The following CLDN14 variants were observed in gnomAD, a reference collection of about 807,000 sequenced individuals.
CLDN14 encodes the protein claudin 14, also known as claudin-14.
A neutral mutation model predicts 2.1 loss-of-function variants in CLDN14; 2 were observed. That is an observed-to-expected ratio of 0.96 (90% CI 0.39 to 3.01). The LOEUF is 3.01. CLDN14 is among the 30% of genes most tolerant of loss of function. The pLI, the probability that CLDN14 is intolerant of heterozygous loss-of-function variation, is 0.09. For missense variants in CLDN14, 298 were observed against 328.0 expected (o/e 0.91, Z 0.71); for synonymous variants, 136 against 154.4 (o/e 0.88, Z 0.88).
In CLDN14 at chr21:36,498,103, C is replaced by T. The variant is rs774144752; in HGVS notation, c.-82+12260G>A. On this transcript the variant is annotated intron_variant, in intron 2 of 2. Transcript: ENST00000342108. The surrounding 1 kb of genome is among the most constrained non-coding windows in gnomAD (Gnocchi z 4.9). ...CAACCTCCACCGCCCGGGGTTCAAG[C>T]GATTCTCCTGTCTCAGCCTCATGAG... Among the ~76,000 whole-genome samples, 92 of 151,986 alleles carry T rather than the reference C, an allele frequency of 6.1e-4. No homozygotes were observed. Among genetic ancestry groups the T allele is most frequent in the South Asian group, 1.0e-3 (5 of 4,814 alleles).
chr21:36,511,076 C>T (rs2835367), intron 1 of CLDN14, among the ~76,000 whole-genome samples: 102,829 of 152,146 alleles, frequency 0.68, 40,119 homozygotes, highest in Non-Finnish European at 0.9. Flanking sequence ...CTCCGATGGT[C>T]ATGGCTATTT....
intron 1 of CLDN14, among the ~76,000 whole-genome samples, chr21:36,566,597 A>G (rs1017076142): frequency 2.6e-5 from 4 of 152,234 alleles, no homozygotes; most frequent in Admixed American, 1.3e-4. Context: ...TGCTCTTACA[A>G]TTTATGAGAT....
rs185605321 is a variant in CLDN14 at position 36,528,920 on chromosome 21, G to A, written c.-219-18420C>T. On this transcript the variant is annotated intron_variant, in intron 1 of 2. Transcript: ENST00000342108. Reference sequence around the variant, plus strand: ...GCCCTCCACCAAGCCTGAGGAGGACGCGAGCTCGGCTGCGGCTGACAGCAT... The same window carrying A: ...GCCCTCCACCAAGCCTGAGGAGGACACGAGCTCGGCTGCGGCTGACAGCAT... Among the ~76,000 whole-genome samples, 26 of 152,296 alleles carry A rather than the reference G, an allele frequency of 1.7e-4. No individual in the cohort carries two copies. The East Asian group carries it at 4.3e-3, about 25-fold the overall frequency.
chr21:36,483,278 G>A (rs1420433630), upstream of CLDN14, among the ~76,000 whole-genome samples: 2 of 46,294 alleles, frequency 4.3e-5, no homozygotes, highest in Non-Finnish European at 8.9e-5. Flanking sequence ...CTCTCTCTGC[G>A]CCGCTGGGTT....
At chr21:36,470,533 C>T (rs902087619) in intron 1 of CLDN14, among the ~76,000 whole-genome samples, 1 of 152,204 alleles carries the variant, frequency 6.6e-6, no homozygotes, top group Non-Finnish European at 1.5e-5. Flanking sequence ...CCAGCCTGCC[C>T]ACACCTTAGT....
chr21:36,488,642 G>A (rs1450403204), intron 2 of CLDN14, among the ~76,000 whole-genome samples: 3 of 151,610 alleles, frequency 2.0e-5, no homozygotes, highest in African/African-American at 7.3e-5. Flanking sequence ...GCGGGTGCCA[G>A]GGGCTGAGGG....
At chr21:36,549,291 C>G (rs1445325630) in intron 1 of CLDN14, among the ~76,000 whole-genome samples, 1 of 152,112 alleles carries the variant, frequency 6.6e-6, no homozygotes, top group African/African-American at 2.4e-5. Context: ...CTCTCTCTCT[C>G]TCTCTCCTCC....
chr21:36,468,565 A>G (rs1349452160), intron 1 of CLDN14, among the ~76,000 whole-genome samples: 2 of 152,270 alleles, frequency 1.3e-5, no homozygotes, highest in African/African-American at 2.4e-5. Context: ...TCTGTCTCAA[A>G]CAAAAGAAAA....
intron 1 of CLDN14, among the ~76,000 whole-genome samples, chr21:36,537,564 G>T (rs1414736639): frequency 8.5e-5 from 13 of 152,102 alleles, no homozygotes; most frequent in Non-Finnish European, 1.5e-5. Flanking sequence ...GAATGTCCTT[G>T]GTAGACATCT....
intron 2 of CLDN14, among the ~76,000 whole-genome samples, chr21:36,497,131 A>G (rs1478587743): frequency 6.7e-4 from 21 of 31,164 alleles, no homozygotes; most frequent in East Asian, 2.5e-3. Context: ...GGAAGGGAGG[A>G]AGGGAGGGAG....
At chr21:36,489,352 C>T (rs1447814052) in intron 2 of CLDN14, among the ~76,000 whole-genome samples, 1 of 152,024 alleles carries the variant, frequency 6.6e-6, no homozygotes, top group Non-Finnish European at 1.5e-5. Flanking sequence ...TATTAATCAA[C>T]ACAGTACCTC....
intron 1 of CLDN14, among the ~76,000 whole-genome samples, chr21:36,552,078 T>C (rs565834020): frequency 3.9e-5 from 6 of 152,346 alleles, no homozygotes; most frequent in Non-Finnish European, 8.8e-5. Flanking sequence ...CAACTGATTA[T>C]GTTCCTCAGA....
intron 2 of CLDN14, among the ~76,000 whole-genome samples, chr21:36,501,810 C>T (rs932210334): frequency 1.3e-5 from 2 of 151,934 alleles, no homozygotes; most frequent in African/African-American, 4.8e-5. Flanking sequence ...CCCTGGCCCT[C>T]GAGAGGGGTT....
chr21:36,473,288 T>G (rs1457256032), intron 1 of CLDN14, among the ~76,000 whole-genome samples: 1 of 152,196 alleles, frequency 6.6e-6, no homozygotes. Flanking sequence ...GGTCCCACTA[T>G]GTTGCCCAGC....
At chr21:36,502,797 A>G (rs1361470135) in intron 2 of CLDN14, among the ~76,000 whole-genome samples, 1 of 152,236 alleles carries the variant, frequency 6.6e-6, no homozygotes, top group Non-Finnish European at 1.5e-5. Flanking sequence ...ATAAAACCAA[A>G]CACTTATATT....
intron 2 of CLDN14, chr21:36,486,739 C>T: frequency 3.0e-6 from 3 of 1,002,230 alleles, no homozygotes; most frequent in Non-Finnish European, 4.7e-6. Flanking sequence ...CCAGATCCTT[C>T]TCATTGCCTT....
In CLDN14 at chr21:36,461,033, C is replaced by G. The variant is rs387907414; in HGVS notation, c.663G>C (p.Arg221=). 1 of 1,613,704 alleles carries G rather than the reference C, an allele frequency of 6.2e-7. No individual in the cohort carries two copies. The highest frequency in any genetic ancestry group is 1.7e-4 in the Middle Eastern group (1 of 5,724). ...YQPPAAYKDN[R]APSVTSATHS... ...GCGTGGCCGAGGTCACTGAGGGGGC[C>G]CGATTGTCTTTGTAGGCAGCTGGTG... The change falls in exon 2 of 2, where the codon CGG becomes CGC. Residue 221 remains arginine, a synonymous_variant. Transcript: ENST00000399135.
At chr21:36,519,648 T>G (rs2087254554) in intron 1 of CLDN14, among the ~76,000 whole-genome samples, 2 of 152,154 alleles carry the variant, frequency 1.3e-5, no homozygotes, top group Admixed American at 1.3e-4. Context: ...AGGTGGAGGT[T>G]GCAGTGAGCT....
In CLDN14 at chr21:36,499,039, A is replaced by G. The variant is rs888555427; in HGVS notation, c.-82+11324T>C. Among the ~76,000 whole-genome samples the G allele has an allele frequency of 6.6e-6, 1 of 152,152 alleles. No individual in the cohort carries two copies. Among genetic ancestry groups the G allele is most frequent in the Non-Finnish European group, 1.5e-5 (1 of 68,016 alleles). On this transcript the variant is annotated intron_variant, in intron 2 of 2. Transcript: ENST00000342108. This position sits in a 1 kb window ranked among gnomAD's most constrained non-coding sequence, Gnocchi z 4.7. ...TTGGCCAGTTTCAGGGCACATGACA[A>G]TCACCGATATGACAGAAGGGTAACC... is the stretch of plus-strand genomic sequence containing the variant.
Sources: allele counts gnomAD v4.1 joint callset (sites outside exome capture counted in the v4.1 genomes callset), GRCh38; gene constraint gnomAD v4.1.1; non-coding constraint Gnocchi (gnomAD v3.1); transcripts MANE v1.5; gene names NCBI Gene and HGNC (gene_info 2026-07-23, HGNC 2026-07-21).